Variants in ADRA1B observed in about 807,000 individuals in gnomAD.
The protein encoded by ADRA1B is adrenoceptor alpha 1B, also known as alpha-1B adrenergic receptor.
ADRA1B carries 17 observed loss-of-function variants against 17.9 expected under a neutral mutation model. The observed-to-expected ratio is 0.95, with a 90% CI of 0.65 to 1.42. The LOEUF is 1.42. ADRA1B is among the 40% of genes most tolerant of loss of function. The pLI is 0.00. For synonymous variants in ADRA1B, 366 were observed against 327.6 expected, an observed-to-expected ratio of 1.12 and a Z score of -1.27; for missense variants, 681 against 722.1, an observed-to-expected ratio of 0.94 and a Z score of 0.65.
At chr5:159,965,531 C>T (rs1755758828) in intron 1 of ADRA1B, among the ~76,000 whole-genome samples, 1 of 152,216 alleles carries the variant, frequency 6.6e-6, no homozygotes, top group Admixed American at 6.5e-5. Context: ...GGAAACGATC[C>T]CTGCCACACA....
the ADRA1B span, among the ~76,000 whole-genome samples, chr5:159,986,772 G>A: frequency 6.6e-6 from 1 of 152,184 alleles, no homozygotes; most frequent in East Asian, 1.9e-4. Context: ...TCCACTTTAC[G>A]ATGGGTTTTT....
upstream of ADRA1B, among the ~76,000 whole-genome samples, chr5:159,913,863 G>A (rs1037091393): frequency 6.6e-6 from 1 of 152,128 alleles, no homozygotes; most frequent in Non-Finnish European, 1.5e-5. Context: ...TTTGGAACTT[G>A]CTCTTTATTT....
chr5:159,913,116 G>A (rs1445680387), upstream of ADRA1B, among the ~76,000 whole-genome samples: 1 of 152,184 alleles, frequency 6.6e-6, no homozygotes, highest in African/African-American at 2.4e-5. Flanking sequence ...TTCAGTGGCA[G>A]CTTCCCCTGG....
intron 1 of ADRA1B, among the ~76,000 whole-genome samples, chr5:159,910,402 A>G (rs997629777): frequency 6.6e-6 from 1 of 152,174 alleles, no homozygotes; most frequent in African/African-American, 2.4e-5. Context: ...GTGGTGGCAA[A>G]AGCAAGTTGT....
chr5:159,872,483 G>A (rs1280956931), intron 1 of ADRA1B, among the ~76,000 whole-genome samples: 1 of 152,194 alleles, frequency 6.6e-6, no homozygotes, highest in Non-Finnish European at 1.5e-5. Context: ...CCCTGGACCA[G>A]CAAACTATTA....
At chr5:159,967,597 C>T (rs1198688020) in intron 1 of ADRA1B, among the ~76,000 whole-genome samples, 1 of 152,132 alleles carries the variant, frequency 6.6e-6, no homozygotes. Flanking sequence ...CTAATTAACT[C>T]TTCTAAAGCT....
chr5:159,927,110 A>T (rs1486101219), intron 1 of ADRA1B, among the ~76,000 whole-genome samples: 1 of 152,104 alleles, frequency 6.6e-6, no homozygotes, highest in African/African-American at 2.4e-5. Context: ...TAGGATCTTG[A>T]AAATGGATGG....
chr5:159,940,804 G>T (rs1755103667), intron 1 of ADRA1B, among the ~76,000 whole-genome samples: 1 of 152,212 alleles, frequency 6.6e-6, no homozygotes, highest in South Asian at 2.1e-4. Context: ...CTTCTCTGTA[G>T]TGAGCATGAA....
At chr5:159,988,087 G>C in the ADRA1B span, among the ~76,000 whole-genome samples, 7 of 152,210 alleles carry the variant, frequency 4.6e-5, no homozygotes, top group Middle Eastern at 3.4e-3. Flanking sequence ...TATCACAAGG[G>C]GTCTTATAAG....
chr5:159,952,974 C>T (rs528166347), intron 1 of ADRA1B, among the ~76,000 whole-genome samples: 31 of 152,316 alleles, frequency 2.0e-4, no homozygotes, highest in African/African-American at 7.2e-4. Context: ...GTTGCAGTTA[C>T]ACAGGGGGGA....
chr5:159,973,704 T>A (rs1360934348), downstream of ADRA1B, among the ~76,000 whole-genome samples: 1 of 152,168 alleles, frequency 6.6e-6, no homozygotes, highest in African/African-American at 2.4e-5. Context: ...AGGTGGAGCA[T>A]TCTTTGGAGT....
chr5:159,875,830 T>G (rs910847101), intron 1 of ADRA1B, among the ~76,000 whole-genome samples: 2 of 152,006 alleles, frequency 1.3e-5, no homozygotes, highest in Non-Finnish European at 2.9e-5. Context: ...TGAGAAGAGG[T>G]TTCCCTGATA....
At chr5:159,952,750 CATTGTT>C (rs1472575060) in intron 1 of ADRA1B, among the ~76,000 whole-genome samples, 1 of 152,150 alleles carries the variant, frequency 6.6e-6, no homozygotes, top group Admixed American at 6.5e-5. Context: ...CTCTTATTGT[CATTGTT>C]ATTGTTATAA....
At chr5:159,958,856 C>A (rs937624086) in intron 1 of ADRA1B, among the ~76,000 whole-genome samples, 1 of 152,196 alleles carries the variant, frequency 6.6e-6, no homozygotes, top group African/African-American at 2.4e-5. Context: ...AAGTGTTCTG[C>A]AGGGAAATTA....
intron 1 of ADRA1B, among the ~76,000 whole-genome samples, chr5:159,938,729 T>A (rs1755023298): frequency 6.6e-6 from 1 of 152,272 alleles, no homozygotes; most frequent in African/African-American, 2.4e-5. Context: ...TAACAACTAA[T>A]AAGACCCTAA....
intron 1 of ADRA1B, among the ~76,000 whole-genome samples, chr5:159,943,562 C>T (rs893621723): frequency 3.3e-5 from 5 of 152,020 alleles, no homozygotes; most frequent in African/African-American, 1.2e-4. Flanking sequence ...CTGTGTAACC[C>T]GTCAGCATCT....
At chr5:159,901,712 T>C (rs970799213) in intron 1 of ADRA1B, among the ~76,000 whole-genome samples, 9 of 152,178 alleles carry the variant, frequency 5.9e-5, no homozygotes, top group African/African-American at 2.2e-4. Flanking sequence ...AATAGACATT[T>C]CTCCAGAGGA....
In ADRA1B at chr5:159,917,283, C is replaced by T. The variant is rs1346786068; in HGVS notation, c.378C>T (p.Val126=). The change falls in exon 1 of 2, where the codon GTC becomes GTT. Residue 126 remains valine, a synonymous_variant. Transcript: ENST00000306675. ...IFCDIWAAVD[V]LCCTASILSL... Reference sequence around the variant, plus strand: ...GTGACATCTGGGCAGCCGTGGATGTCCTGTGCTGCACAGCGTCCATTCTGA... The same window carrying T: ...GTGACATCTGGGCAGCCGTGGATGTTCTGTGCTGCACAGCGTCCATTCTGA... 1.9e-6 allele frequency: 3 copies of T among 1,614,134 alleles called. No homozygotes were observed. The highest frequency in any genetic ancestry group is 2.5e-6 in the Non-Finnish European group (3 of 1,180,040).
chr5:159,898,502 G>C (rs146355837), intron 1 of ADRA1B, among the ~76,000 whole-genome samples: 39 of 152,262 alleles, frequency 2.6e-4, no homozygotes, highest in African/African-American at 9.2e-4. Flanking sequence ...GAAACTAGGG[G>C]TTAGATTGAG....
Sources: allele counts gnomAD v4.1 joint callset (sites outside exome capture counted in the v4.1 genomes callset), GRCh38; gene constraint gnomAD v4.1.1; transcripts MANE v1.5; gene names NCBI Gene and HGNC (gene_info 2026-07-23, HGNC 2026-07-21).